The following AQP9 variants were observed in gnomAD, a reference collection of about 807,000 sequenced individuals.
AQP9 encodes the protein aquaporin 9.
A neutral mutation model predicts 23.8 loss-of-function variants in AQP9; 19 were observed. That is an observed-to-expected ratio of 0.80 (90% CI 0.56 to 1.17). The LOEUF (loss-of-function observed/expected upper bound fraction) is 1.17. Ranked by LOEUF, AQP9 falls within the 50% of genes most tolerant of loss-of-function variation. The pLI, the probability that AQP9 is intolerant of heterozygous loss-of-function variation, is 0.00. For synonymous variants in AQP9, 153 were observed against 131.5 expected (o/e 1.16, Z -1.12); for missense variants, 413 against 362.0 (o/e 1.14, Z -1.14).
chr15:58,154,257 T>C (rs183083781), intron 1 of AQP9: 1 of 152,280 alleles, frequency 6.6e-6, no homozygotes, highest in Admixed American at 6.6e-5. Flanking sequence ...CATAATTTGA[T>C]TAGGAAAGTC....
chr15:58,181,413 CTAAT>C (rs1220069578), intron 5 of AQP9, among the ~76,000 whole-genome samples: 1 of 152,174 alleles, frequency 6.6e-6, no homozygotes, highest in Non-Finnish European at 1.5e-5. Flanking sequence ...AGAGATTTGA[CTAAT>C]TAACTCCAGG....
chr15:58,142,629 C>T (rs1305973722), intron 1 of AQP9, among the ~76,000 whole-genome samples: 1 of 152,094 alleles, frequency 6.6e-6, no homozygotes, highest in Non-Finnish European at 1.5e-5. Context: ...TGTTTTTCCT[C>T]TAGTATTTCT....
chr15:58,165,281 A>G (rs2140615768), intron 1 of AQP9, among the ~76,000 whole-genome samples: 1 of 152,322 alleles, frequency 6.6e-6, no homozygotes, highest in African/African-American at 2.4e-5. Context: ...GTCTTTCCCA[A>G]GAACCGTCCT....
chr15:58,171,091 A>AT (rs3985731), intron 2 of AQP9, among the ~76,000 whole-genome samples: 4,909 of 137,046 alleles, frequency 0.036, 263 homozygotes, highest in African/African-American at 0.11. Flanking sequence ...CGCCCAACTA[A>AT]TTTTTTTTTT....
chr15:58,153,714 A>G (rs1443455480), intron 1 of AQP9: 1 of 152,186 alleles, frequency 6.6e-6, no homozygotes, highest in Non-Finnish European at 1.5e-5. Flanking sequence ...TATCATTGGC[A>G]GCCTCACACT....
chr15:58,166,597 A>T (rs550958463), intron 1 of AQP9, 76 bp from the exon 2 acceptor site: 78 of 1,512,658 alleles, frequency 5.2e-5, no homozygotes, highest in Admixed American at 2.9e-4. Context: ...CTTTAAAAAT[A>T]CTTGCTACTG....
intron 1 of AQP9, chr15:58,151,101 A>G (rs867371729): frequency 3.4e-4 from 52 of 152,274 alleles, no homozygotes; most frequent in African/African-American, 1.1e-3. Flanking sequence ...TAGTCTATCA[A>G]TCCCACTTAA....
At chr15:58,161,960 C>A (rs1472155043) in intron 1 of AQP9, among the ~76,000 whole-genome samples, 1 of 152,084 alleles carries the variant, frequency 6.6e-6, no homozygotes, top group Non-Finnish European at 1.5e-5. Context: ...ATCCAATATA[C>A]TAGAAGCTGT....
rs2140606518 is a variant in AQP9 at position 58,159,007 on chromosome 15, T to A, written c.112-7666T>A. ...TGCACCACATATTCTGCTAGGACTA[T>A]CTTGTTTTACACTTTAAAGGACATA... On this transcript the variant is annotated intron_variant, in intron 1 of 5. Transcript: ENST00000219919. 1.3e-5 allele frequency among the ~76,000 whole-genome samples: 2 copies of A among 152,326 alleles called. 1 individual carries two copies. Among genetic ancestry groups the A allele is most frequent in the African/African-American group, 4.8e-5 (2 of 41,592 alleles).
At chr15:58,149,071 A>C (rs553556984) in intron 1 of AQP9, among the ~76,000 whole-genome samples, 1 of 152,318 alleles carries the variant, frequency 6.6e-6, no homozygotes, top group East Asian at 1.9e-4. Flanking sequence ...TATGACTGAG[A>C]AAGTTTTATT....
At position 58,184,081 on chromosome 15, in the gene AQP9, G is replaced by C. The variant is rs778818501; in HGVS notation, c.834G>C (p.Lys278Asn). Residue 278 changes from lysine (K) to asparagine (N), a missense_variant, in exon 6 of 6, where the codon AAG becomes AAC. By Grantham distance (94) the Lys-to-Asn change is moderately conservative. Coordinates refer to ENST00000219919, the MANE Select transcript of AQP9 (RefSeq NM_020980.5). The part of the protein sequence containing the change: ...IHHPEPDSVF[K>N]TEQSEDKPEK... ...ATCCAGAGCCTGACTCAGTCTTTAA[G>C]ACAGAACAATCTGAGGACAAACCAG... 1.2e-6 allele frequency: 2 copies of C among 1,613,968 alleles called. No homozygotes were observed. Among genetic ancestry groups the C allele is most frequent in the African/African-American group, 2.7e-5 (2 of 74,884 alleles).
intron 1 of AQP9, among the ~76,000 whole-genome samples, chr15:58,147,732 GT>G (rs1898073861): frequency 6.6e-6 from 1 of 151,968 alleles, no homozygotes; most frequent in African/African-American, 2.4e-5. Context: ...CTATCAACAG[GT>G]GATTGGTTAA....
Position 58,161,268 on chromosome 15 carries a change from G to C in AQP9, c.112-5405G>C, listed in dbSNP as rs895440638. Among the ~76,000 whole-genome samples, 7 of 152,252 alleles carry C rather than the reference G, an allele frequency of 4.6e-5. 1 individual carries two copies. In the South Asian group the frequency reaches 1.5e-3, roughly 32 times the overall value. The stretch of plus-strand genomic sequence containing the variant: ...TTAATAATTCCAGAATGTTTGCTCT[G>C]GGTAATCGGGAATGACTGGAGGAGT... On this transcript the variant is annotated intron_variant, in intron 1 of 5. Coordinates refer to ENST00000219919, the MANE Select transcript of AQP9 (RefSeq NM_020980.5).
At chr15:58,173,772 T>C (rs1355958643) in intron 3 of AQP9, among the ~76,000 whole-genome samples, 1 of 152,186 alleles carries the variant, frequency 6.6e-6, no homozygotes, top group Non-Finnish European at 1.5e-5. Flanking sequence ...AAATAAGTCA[T>C]CTGATCTGAC....
Position 58,138,610 on chromosome 15 carries a change from A to G in AQP9, c.45A>G (p.Arg15=), listed in dbSNP as rs1211260302. 5 of 1,613,876 alleles carry G rather than the reference A, an allele frequency of 3.1e-6. No homozygotes were observed. In the Admixed American group the frequency reaches 5.0e-5, roughly 16 times the overall value. The part of the protein sequence containing the change: ...GAEKGKSFKQ[R]LVLKSSLAKE... ...AAAAGGGAAAAAGCTTCAAGCAGAG[A>G]CTGGTCTTGAAGAGCAGCTTAGCGA... is the stretch of plus-strand genomic sequence containing the variant. The change falls in exon 1 of 6, where the codon AGA becomes AGG. Residue 15 remains arginine, a synonymous_variant. Coordinates refer to ENST00000219919, the MANE Select transcript of AQP9 (RefSeq NM_020980.5).
At chr15:58,181,226 T>A (rs747296652) in intron 5 of AQP9, among the ~76,000 whole-genome samples, 1 of 152,216 alleles carries the variant, frequency 6.6e-6, no homozygotes, top group Non-Finnish European at 1.5e-5. Context: ...AGCATCAGGA[T>A]CTTTTCCCTT....
intron 1 of AQP9, among the ~76,000 whole-genome samples, chr15:58,158,214 T>C (rs1898303600): frequency 6.6e-6 from 1 of 152,152 alleles, no homozygotes; most frequent in Admixed American, 6.6e-5. Flanking sequence ...TTCCACATCC[T>C]ATGGAAAACC....
At chr15:58,152,353 C>G (rs1220342897) in intron 1 of AQP9, 2 of 152,106 alleles carry the variant, frequency 1.3e-5, no homozygotes, top group African/African-American at 4.8e-5. Flanking sequence ...TCTTTACTCC[C>G]TACATATACT....
At position 58,185,675 on chromosome 15, in the gene AQP9, CAG is replaced by C. The variant is rs1179965763; in HGVS notation, c.*1541_*1542del. ...AAGATCGCCTATGAGTTACAAGCAC[CAG>C]GGGATGCTCTACATCAAGGGATGCA... is the stretch of plus-strand genomic sequence containing the variant. On this transcript the variant is annotated 3_prime_UTR_variant, in exon 6 of 6. Coordinates refer to ENST00000219919, the MANE Select transcript of AQP9 (RefSeq NM_020980.5). The C allele has an allele frequency of 6.6e-6, 1 of 152,138 alleles. No homozygotes were observed. Among genetic ancestry groups the C allele is most frequent in the Non-Finnish European group, 1.5e-5 (1 of 68,040 alleles). 9.4% of individuals were successfully genotyped at this position (152,138 alleles called of 1,614,324 possible).
Sources: allele counts gnomAD v4.1 joint callset (sites outside exome capture counted in the v4.1 genomes callset), GRCh38; gene constraint gnomAD v4.1.1; transcripts MANE v1.5; gene names NCBI Gene and HGNC (gene_info 2026-07-23, HGNC 2026-07-21).